Variants in CD300LF observed in about 807,000 individuals in gnomAD.
CD300LF encodes the protein CD300 molecule like family member f.
In CD300LF, 27 loss-of-function variants were observed where a neutral mutation model predicts 32.2. That is an observed-to-expected ratio of 0.84 (90% CI 0.62 to 1.15). The LOEUF is 1.15. Among genes scored for constraint, CD300LF ranks in the 50% most tolerant of loss-of-function variants. The pLI, the probability that CD300LF is intolerant of heterozygous loss-of-function variation, is 0.00. For synonymous variants in CD300LF, 139 were observed against 143.2 expected, an observed-to-expected ratio of 0.97 and a Z score of 0.21; for missense variants, 348 against 356.8, an observed-to-expected ratio of 0.98 and a Z score of 0.20.
chr17:74,700,374 G>A (rs1243786694), intron 3 of CD300LF, among the ~76,000 whole-genome samples: 14 of 151,922 alleles, frequency 9.2e-5, no homozygotes, highest in Non-Finnish European at 2.1e-4. Flanking sequence ...TATTCCAGTT[G>A]CATTTTTCTC....
chr17:74,696,862 G>A (rs1365039594), intron 4 of CD300LF, among the ~76,000 whole-genome samples: 1 of 152,178 alleles, frequency 6.6e-6, no homozygotes, highest in East Asian at 1.9e-4. Flanking sequence ...CCAACCCCGA[G>A]TAGAATGTGC....
chr17:74,695,470 T>C (rs1343442252), intron 6 of CD300LF, among the ~76,000 whole-genome samples: 1 of 152,172 alleles, frequency 6.6e-6, no homozygotes, highest in Non-Finnish European at 1.5e-5. Context: ...ACATTTCCTG[T>C]GGAATCCCAA....
chr17:74,698,707 G>A, intron 3 of CD300LF: 2 of 1,109,310 alleles, frequency 1.8e-6, no homozygotes, highest in South Asian at 3.7e-5. Context: ...GCCTACTTGA[G>A]GATGGAGGGT....
chr17:74,705,683 C>G (rs545805711), intron 1 of CD300LF, among the ~76,000 whole-genome samples: 2 of 152,108 alleles, frequency 1.3e-5, no homozygotes, highest in African/African-American at 4.8e-5. Flanking sequence ...AAGCCTTCAC[C>G]TCCCAGGCTT....
At position 74,694,930 on chromosome 17, in the gene CD300LF, CT is replaced by C. The variant is rs1370568429; in HGVS notation, c.*165del. On this transcript the variant is annotated 3_prime_UTR_variant, in exon 7 of 7. Transcript: ENST00000326165. ...GAAAACCCCAACTCCTAGAAGCCCC[CT>C]GAGACTTGGCCCCAAGCCCAACCCA... 9.2e-6 allele frequency: 6 copies of C among 654,210 alleles called. No homozygotes were observed. Among genetic ancestry groups the C allele is most frequent in the Non-Finnish European group, 1.5e-5 (6 of 400,998 alleles). 40.5% of individuals were successfully genotyped at this position (654,210 alleles called of 1,614,324 possible).
Position 74,703,105 on chromosome 17 carries a change from A to T in CD300LF, c.383-7T>A, listed in dbSNP as rs778098380. ...TCTTCTTGGGTGACTGGTGCTGTAA[A>T]CGTAGTGGAGGTAGGCGTGGTGGGG... On this transcript the variant is annotated splice_polypyrimidine_tract_variant and splice_region_variant and intron_variant, in intron 2 of 6. Coordinates refer to ENST00000326165, the MANE Select transcript of CD300LF (RefSeq NM_139018.5). The T allele has an allele frequency of 1.2e-6, 2 of 1,613,788 alleles. No homozygotes were observed. The highest frequency in any genetic ancestry group is 1.7e-6 in the Non-Finnish European group (2 of 1,179,926).
At chr17:74,708,063 G>A (rs1173911528) in intron 1 of CD300LF, among the ~76,000 whole-genome samples, 1 of 149,796 alleles carries the variant, frequency 6.7e-6, no homozygotes, top group Non-Finnish European at 1.5e-5. Flanking sequence ...CAGGAGAATC[G>A]CTTGAACCCA....
At chr17:74,708,185 A>G (rs1016144313) in intron 1 of CD300LF, among the ~76,000 whole-genome samples, 1 of 151,406 alleles carries the variant, frequency 6.6e-6, no homozygotes, top group Non-Finnish European at 1.5e-5. Flanking sequence ...GAAAGAAAAG[A>G]AAAAAAATAC....
At position 74,694,433 on chromosome 17, in the gene CD300LF, G is replaced by A. The variant is rs909621703; in HGVS notation, c.*663C>T. The A allele has an allele frequency of 6.6e-6, 1 of 152,222 alleles. No homozygotes were observed. Among genetic ancestry groups the A allele is most frequent in the Non-Finnish European group, 1.5e-5 (1 of 68,032 alleles). The allele number at this position is 152,222 out of a possible 1,614,324, so 9.4% of individuals were successfully genotyped here. ...GGGCTGGTTTCTTTTGGAGGCTCCA[G>A]GCAGGGGAATCCATTCCTTTCCCTT... is the stretch of plus-strand genomic sequence containing the variant. On this transcript the variant is annotated 3_prime_UTR_variant, in exon 7 of 7. Coordinates refer to ENST00000326165, the MANE Select transcript of CD300LF (RefSeq NM_139018.5).
chr17:74,700,061 G>A (rs1235865610), intron 3 of CD300LF, among the ~76,000 whole-genome samples: 6 of 152,004 alleles, frequency 3.9e-5, no homozygotes, highest in Non-Finnish European at 8.8e-5. Flanking sequence ...AGAATTGCTT[G>A]AACCCAGGAG....
At chr17:74,710,047 C>T (rs937939119) in intron 1 of CD300LF, among the ~76,000 whole-genome samples, 3 of 152,158 alleles carry the variant, frequency 2.0e-5, no homozygotes, top group African/African-American at 4.8e-5. Flanking sequence ...GGCTCAATCT[C>T]GGCTCACTGC....
rs147965827 is a variant in CD300LF at position 74,695,065 on chromosome 17, C to G, written c.*31G>C. Reference sequence around the variant, plus strand: ...GATGAGGCAGGAGTGTGCTCACAGCCTGGGGTCCAAGAAGGAGCCTGGAGT... The same window carrying G: ...GATGAGGCAGGAGTGTGCTCACAGCGTGGGGTCCAAGAAGGAGCCTGGAGT... On this transcript the variant is annotated 3_prime_UTR_variant, in exon 7 of 7. Coordinates refer to ENST00000326165, the MANE Select transcript of CD300LF (RefSeq NM_139018.5). 745 of 1,602,120 alleles carry G rather than the reference C, an allele frequency of 4.7e-4. 10 individuals carry two copies. In the East Asian group the frequency reaches 0.015, roughly 33 times the overall value.
At chr17:74,700,752 AAAAC>A (rs2032974413) in intron 3 of CD300LF, among the ~76,000 whole-genome samples, 1 of 152,122 alleles carries the variant, frequency 6.6e-6, no homozygotes, top group Non-Finnish European at 1.5e-5. Context: ...ACTCCGTCTC[AAAAC>A]AAACAAACAA....
Position 74,695,271 on chromosome 17 carries a change from C to T in CD300LF, c.718-20G>A. ...GGAAGCCTGCAGCAAAGGCGGGCTCCAGGTCAGAGAGGACGGCAGGAAGTG... is the reference window on the plus strand; with the variant it reads ...GGAAGCCTGCAGCAAAGGCGGGCTCTAGGTCAGAGAGGACGGCAGGAAGTG... On this transcript the variant is annotated intron_variant, in intron 6 of 6. Coordinates refer to ENST00000326165, the MANE Select transcript of CD300LF (RefSeq NM_139018.5). 1 of 1,613,294 alleles carries T rather than the reference C, an allele frequency of 6.2e-7. No homozygotes were observed. Among genetic ancestry groups the T allele is most frequent in the Non-Finnish European group, 8.5e-7 (1 of 1,179,554 alleles).
In CD300LF at chr17:74,695,112, G is replaced by T. The variant is rs893817560; in HGVS notation, c.857C>A (p.Thr286Asn). The T allele has an allele frequency of 6.2e-7, 1 of 1,613,920 alleles. No homozygotes were observed. The highest frequency in any genetic ancestry group is 1.1e-5 in the South Asian group (1 of 91,086). ...RGPEEPTEYSTISRP is the reference protein window; with the variant it reads ...RGPEEPTEYSNISRP ...GAGTGCAGGCTAAGGCCTGCTGATG[G>T]TGCTGTATTCCGTGGGCTCCTCAGG... is the stretch of plus-strand genomic sequence containing the variant. The change falls in exon 7 of 7, where the codon ACC (threonine) becomes AAC (asparagine). Residue 286 changes from threonine (T) to asparagine (N), a missense_variant. By Grantham distance (65) the Thr-to-Asn change is moderately conservative. Transcript: ENST00000326165.
At chr17:74,711,643 A>C (rs1179120821) in intron 1 of CD300LF, among the ~76,000 whole-genome samples, 1 of 152,064 alleles carries the variant, frequency 6.6e-6, no homozygotes, top group African/African-American at 2.4e-5. Context: ...ATTCCTACAC[A>C]AGAGCCCTCG....
chr17:74,703,694 T>C (rs10512597), intron 2 of CD300LF, among the ~76,000 whole-genome samples: 100,506 of 152,070 alleles, frequency 0.66, 36,287 homozygotes, highest in Middle Eastern at 0.84. Context: ...CAAACTAGAA[T>C]ATGCCCCAGA....
Position 74,694,927 on chromosome 17 carries a change from C to A in CD300LF, c.*169G>T. On this transcript the variant is annotated 3_prime_UTR_variant, in exon 7 of 7. Coordinates refer to ENST00000326165, the MANE Select transcript of CD300LF (RefSeq NM_139018.5). ...TTAGAAAACCCCAACTCCTAGAAGC[C>A]CCCTGAGACTTGGCCCCAAGCCCAA... 1 of 613,474 alleles carries A rather than the reference C, an allele frequency of 1.6e-6. No individual in the cohort carries two copies. The highest frequency in any genetic ancestry group is 2.6e-5 in the South Asian group (1 of 38,318). 38.0% of individuals were successfully genotyped at this position (613,474 alleles called of 1,614,324 possible).
At chr17:74,697,735 C>T (rs754474408) in intron 4 of CD300LF, among the ~76,000 whole-genome samples, 58 of 152,002 alleles carry the variant, frequency 3.8e-4, no homozygotes, top group Non-Finnish European at 6.2e-4. Context: ...CAAGAGGCTC[C>T]TCCCTGAAGA....
Sources: gnomAD v4.1 joint callset for allele counts (sites outside exome capture counted in the v4.1 genomes callset) on GRCh38, gnomAD v4.1.1 for gene constraint, MANE v1.5 for transcripts, NCBI Gene and HGNC (gene_info 2026-07-23, HGNC 2026-07-21) for gene names.